Variants in FAM20A observed in about 807,000 individuals in gnomAD.
FAM20A encodes FAM20A golgi associated secretory pathway pseudokinase.
In FAM20A, 42 loss-of-function variants were observed where a neutral mutation model predicts 52.0. That is an observed-to-expected ratio of 0.81 (90% confidence interval 0.63 to 1.04). FAM20A has a LOEUF of 1.04. FAM20A is among the 50% of genes least tolerant of loss of function. The pLI is 0.00. For missense variants in FAM20A, 742 were observed against 712.7 expected, an observed-to-expected ratio of 1.04 and a Z score of -0.47; for synonymous variants, 304 against 298.9, an observed-to-expected ratio of 1.02 and a Z score of -0.18.
intron 4 of FAM20A, among the ~76,000 whole-genome samples, chr17:68,550,169 C>T (rs1412240880): frequency 2.0e-5 from 3 of 151,964 alleles, no homozygotes; most frequent in Non-Finnish European, 4.4e-5. Flanking sequence ...CAACCAATTC[C>T]CCAAATTTTT....
chr17:68,543,859 G>A, intron 4 of FAM20A, 138 bp from the exon 5 acceptor site: 1 of 762,866 alleles, frequency 1.3e-6, no homozygotes, highest in Non-Finnish European at 2.3e-6. Context: ...GGCACGGCAA[G>A]TCAGGAATGG....
intron 1 of FAM20A, among the ~76,000 whole-genome samples, chr17:68,570,900 G>A (rs942208879): frequency 2.6e-5 from 4 of 152,198 alleles, no homozygotes; most frequent in Non-Finnish European, 5.9e-5. Flanking sequence ...GAGGAATTTG[G>A]TGATAATCCA....
intron 1 of FAM20A, among the ~76,000 whole-genome samples, chr17:68,561,318 A>G (rs728379): frequency 0.33 from 50,884 of 152,088 alleles, 9,256 homozygotes; most frequent in East Asian, 0.5. Flanking sequence ...TATTTAGATA[A>G]AATGTGTTAG....
intron 1 of FAM20A, among the ~76,000 whole-genome samples, chr17:68,588,025 T>A (rs764231785): frequency 1.4e-4 from 21 of 152,170 alleles, no homozygotes; most frequent in Middle Eastern, 3.2e-3. Flanking sequence ...TGATACTGTA[T>A]GCTTGATTCA....
chr17:68,580,419 A>G (rs767640698), intron 1 of FAM20A, among the ~76,000 whole-genome samples: 1 of 152,190 alleles, frequency 6.6e-6, no homozygotes. Context: ...TTAAAATACA[A>G]TTGCTTCCTC....
chr17:68,553,301 G>A (rs952245587), intron 3 of FAM20A, among the ~76,000 whole-genome samples: 1 of 152,124 alleles, frequency 6.6e-6, no homozygotes, highest in Non-Finnish European at 1.5e-5. Flanking sequence ...CATGCTTCCT[G>A]TTAAGCCTGC....
chr17:68,541,178 A>C, intron 7 of FAM20A: 1 of 574,168 alleles, frequency 1.7e-6, no homozygotes, highest in Non-Finnish European at 3.0e-6. Context: ...GTGGACACTA[A>C]ACCCATGGTT....
At chr17:68,570,463 G>C (rs1365087120) in intron 1 of FAM20A, among the ~76,000 whole-genome samples, 1 of 152,154 alleles carries the variant, frequency 6.6e-6, no homozygotes, top group Non-Finnish European at 1.5e-5. Flanking sequence ...ACGACTTTCT[G>C]TATTTTTCTG....
intron 4 of FAM20A, among the ~76,000 whole-genome samples, chr17:68,545,441 G>A (rs1458685780): frequency 2.6e-5 from 4 of 152,176 alleles, no homozygotes; most frequent in Admixed American, 2.6e-4. Context: ...TTATACTGGA[G>A]TCCAATAAAT....
intron 3 of FAM20A, among the ~76,000 whole-genome samples, chr17:68,554,033 CACAT>C (rs1419377373): frequency 1.9e-5 from 1 of 53,734 alleles, no homozygotes; most frequent in Admixed American, 2.1e-4. Flanking sequence ...CATATATACA[CACAT>C]GCATATATAC....
chr17:68,594,752 C>T (rs2088408523), intron 1 of FAM20A, among the ~76,000 whole-genome samples: 1 of 152,130 alleles, frequency 6.6e-6, no homozygotes, highest in Non-Finnish European at 1.5e-5. Flanking sequence ...GCCACATGGC[C>T]CCTCCATCTT....
chr17:68,570,573 AT>A (rs1304423784), intron 1 of FAM20A, among the ~76,000 whole-genome samples: 1 of 152,210 alleles, frequency 6.6e-6, no homozygotes, highest in African/African-American at 2.4e-5. Context: ...TAATGTTAAA[AT>A]TTCCAGAAAT....
intron 1 of FAM20A, among the ~76,000 whole-genome samples, chr17:68,586,688 C>T: frequency 6.6e-6 from 1 of 152,192 alleles, no homozygotes; most frequent in East Asian, 1.9e-4. Context: ...GGCGTGCTGC[C>T]CTTCTGGCAC....
rs111391055 is a variant in FAM20A, at chr17:68,600,251, C to T, written c.404+12G>A. 15 of 1,555,686 alleles carry T rather than the reference C, an allele frequency of 9.6e-6. No individual in the cohort carries two copies. The highest frequency in any genetic ancestry group is 8.2e-5 in the African/African-American group (6 of 73,080). ...AGCGCCCGCTCTCCCGCGTCCCGGGCGGGGTCCTCACCTGTTCCAGCGGGC... is the reference window on the plus strand; with the variant it reads ...AGCGCCCGCTCTCCCGCGTCCCGGGTGGGGTCCTCACCTGTTCCAGCGGGC... On this transcript the variant is annotated intron_variant, in intron 1 of 10. Coordinates refer to ENST00000592554, the MANE Select transcript of FAM20A (RefSeq NM_017565.4). The surrounding 1 kb of genome is among the most constrained non-coding windows in gnomAD (Gnocchi z 6.2).
At chr17:68,542,919 G>C in intron 5 of FAM20A, 110 bp from the exon 6 acceptor site, 1 of 841,850 alleles carries the variant, frequency 1.2e-6, no homozygotes, top group African/African-American at 1.7e-5. Context: ...ACCCAGGAGG[G>C]TGGCCGGTGA....
At chr17:68,574,907 T>C (rs1463698116) in intron 1 of FAM20A, among the ~76,000 whole-genome samples, 1 of 152,056 alleles carries the variant, frequency 6.6e-6, no homozygotes. Flanking sequence ...GTTATTTGGG[T>C]GGGCCCTACA....
At chr17:68,584,968 A>G (rs2088126556) in intron 1 of FAM20A, among the ~76,000 whole-genome samples, 1 of 152,252 alleles carries the variant, frequency 6.6e-6, no homozygotes, top group Non-Finnish European at 1.5e-5. Flanking sequence ...AAAGTTAGGC[A>G]TTCAATGGTT....
At chr17:68,589,220 C>G (rs2143901579) in intron 1 of FAM20A, among the ~76,000 whole-genome samples, 1 of 152,316 alleles carries the variant, frequency 6.6e-6, no homozygotes, top group Non-Finnish European at 1.5e-5. Flanking sequence ...GCCAAGATCA[C>G]CATTCCAGCC....
At chr17:68,563,263 G>A (rs1041714201) in intron 1 of FAM20A, among the ~76,000 whole-genome samples, 2 of 151,948 alleles carry the variant, frequency 1.3e-5, no homozygotes, top group East Asian at 1.9e-4. Flanking sequence ...GCAGGCGCCT[G>A]TAATCCCAGC....
Sources: allele counts gnomAD v4.1 joint callset (sites outside exome capture counted in the v4.1 genomes callset), GRCh38; gene constraint gnomAD v4.1.1; non-coding constraint Gnocchi (gnomAD v3.1); transcripts MANE v1.5; gene names NCBI Gene and HGNC (gene_info 2026-07-23, HGNC 2026-07-21).